The following STPG2 variants were observed in gnomAD, a reference collection of about 807,000 sequenced individuals.
The protein encoded by STPG2 is sperm-tail PG-rich repeat-containing protein 2.
Under a neutral mutation model 54.2 loss-of-function variants are expected in STPG2, and 56 were observed. That is an observed-to-expected ratio of 1.03 (90% CI 0.83 to 1.29). The LOEUF is 1.29. Among genes scored for constraint, STPG2 ranks in the 50% most tolerant of loss-of-function variants. STPG2 has a pLI of 0.00. For missense variants in STPG2, 596 were observed against 544.9 expected (o/e 1.09, Z -0.93); for synonymous variants, 200 against 181.8 (o/e 1.10, Z -0.81).
At chr4:97,818,166 G>A (rs893812223) in intron 9 of STPG2, among the ~76,000 whole-genome samples, 1 of 151,776 alleles carries the variant, frequency 6.6e-6, no homozygotes, top group South Asian at 2.1e-4. Context: ...CACACCACAA[G>A]ATGTTTGAGA....
chr4:97,797,455 T>C (rs1200777904), intron 9 of STPG2, among the ~76,000 whole-genome samples: 2 of 152,228 alleles, frequency 1.3e-5, no homozygotes, highest in Non-Finnish European at 2.9e-5. Flanking sequence ...TCCTGTGGTT[T>C]TTGTCTTTGG....
intron 10 of STPG2, among the ~76,000 whole-genome samples, chr4:97,628,245 G>A (rs1366729912): frequency 6.6e-6 from 1 of 152,106 alleles, no homozygotes; most frequent in Non-Finnish European, 1.5e-5. Flanking sequence ...AGGATTATCA[G>A]TAAGAATCCT....
intron 8 of STPG2, among the ~76,000 whole-genome samples, chr4:97,886,219 C>T (rs1369845271): frequency 6.6e-6 from 1 of 152,032 alleles, no homozygotes; most frequent in Non-Finnish European, 1.5e-5. Context: ...AGTAGAATTA[C>T]TGAACTTTAT....
intron 4 of STPG2, among the ~76,000 whole-genome samples, chr4:97,502,003 T>G (rs181464247): frequency 1.5e-4 from 22 of 151,170 alleles, no homozygotes; most frequent in Non-Finnish European, 2.8e-4. Context: ...GTCAAATAAG[T>G]GACATAAAGA....
At chr4:98,118,254 C>G (rs1428479115) in intron 3 of STPG2, among the ~76,000 whole-genome samples, 2 of 152,046 alleles carry the variant, frequency 1.3e-5, no homozygotes, top group Non-Finnish European at 2.9e-5. Context: ...TTTTAATGCT[C>G]AAGCGGTCAA....
chr4:97,954,933 A>C (rs2149243250), intron 7 of STPG2, among the ~76,000 whole-genome samples: 1 of 152,300 alleles, frequency 6.6e-6, no homozygotes, highest in African/African-American at 2.4e-5. Context: ...GCAGACAAGA[A>C]CTTTTTTAAA....
Position 97,569,245 on chromosome 4 carries a change from G to A in STPG2, c.1321-10128C>T, listed in dbSNP as rs149971754. Among the ~76,000 whole-genome samples, 642 of 152,224 alleles carry A rather than the reference G, an allele frequency of 4.2e-3. 3 individuals are homozygous for A. Among genetic ancestry groups the A allele is most frequent in the South Asian group, 0.021 (100 of 4,822 alleles). On this transcript the variant is annotated intron_variant, in intron 10 of 10. Transcript: ENST00000295268. ...GGTAACTTCTGGACATTGCCAGGGC[G>A]TTTGTAAACTGTCATGGTGCTCCTG...
rs76344720 is a variant in STPG2, at chr4:98,017,051, G to C, written c.613-35733C>G. 3.2e-3 allele frequency among the ~76,000 whole-genome samples: 490 copies of C among 152,308 alleles called. 5 individuals carry two copies. The highest frequency in any genetic ancestry group is 0.011 in the African/African-American group (476 of 41,580). On this transcript the variant is annotated intron_variant, in intron 5 of 10. Coordinates refer to ENST00000295268, the MANE Select transcript of STPG2 (RefSeq NM_174952.3). Reference sequence around the variant, plus strand: ...CAGTGGGCAGGTAGGCCTGTTGCCTGTGTCCACAGGTGCTAGCCTGAAGCC... The same window carrying C: ...CAGTGGGCAGGTAGGCCTGTTGCCTCTGTCCACAGGTGCTAGCCTGAAGCC...
At chr4:97,879,826 G>C (rs1343269438) in intron 8 of STPG2, among the ~76,000 whole-genome samples, 1 of 152,094 alleles carries the variant, frequency 6.6e-6, no homozygotes, top group Non-Finnish European at 1.5e-5. Flanking sequence ...TGAGGAAAAG[G>C]GAACCCCTGT....
In STPG2 at chr4:97,577,300, T is replaced by C. The variant is rs528191104; in HGVS notation, c.1321-18183A>G. 2.8e-4 allele frequency among the ~76,000 whole-genome samples: 42 copies of C among 152,322 alleles called. No homozygotes were observed. The South Asian group carries it at 8.1e-3, about 29-fold the overall frequency. On this transcript the variant is annotated intron_variant, in intron 10 of 10. Transcript: ENST00000295268. ...AAGGACACATGCTCTTTTATGTTCATTGCAATACTATTCACAATAGCAATG... is the reference window on the plus strand; with the variant it reads ...AAGGACACATGCTCTTTTATGTTCACTGCAATACTATTCACAATAGCAATG...
chr4:97,547,432 A>G (rs955431472), intron 4 of STPG2, among the ~76,000 whole-genome samples: 2 of 152,052 alleles, frequency 1.3e-5, no homozygotes, highest in African/African-American at 4.8e-5. Flanking sequence ...GGATGGTCTC[A>G]ATCTCCTGAC....
At chr4:97,958,829 A>T (rs1733782663) in intron 7 of STPG2, among the ~76,000 whole-genome samples, 3 of 152,206 alleles carry the variant, frequency 2.0e-5, no homozygotes, top group Non-Finnish European at 4.4e-5. Flanking sequence ...ACAGAAAGTC[A>T]ACAAAGAAAC....
chr4:97,861,902 T>G (rs1729559290), intron 8 of STPG2, among the ~76,000 whole-genome samples: 1 of 151,980 alleles, frequency 6.6e-6, no homozygotes, highest in South Asian at 2.1e-4. Flanking sequence ...AGGCCTGCCC[T>G]AAAAGAGCTC....
At chr4:98,051,401 T>A (rs1416671150) in intron 5 of STPG2, among the ~76,000 whole-genome samples, 1 of 152,058 alleles carries the variant, frequency 6.6e-6, no homozygotes, top group Non-Finnish European at 1.5e-5. Context: ...CCCACATTCA[T>A]ATGTTGATGG....
At chr4:97,904,352 C>T (rs997567363) in intron 8 of STPG2, among the ~76,000 whole-genome samples, 1 of 152,210 alleles carries the variant, frequency 6.6e-6, no homozygotes, top group Admixed American at 6.5e-5. Flanking sequence ...TGACACCTCA[C>T]ACGGCTGGCC....
At chr4:97,621,866 C>A (rs1281394683) in intron 10 of STPG2, among the ~76,000 whole-genome samples, 2 of 152,124 alleles carry the variant, frequency 1.3e-5, no homozygotes, top group Non-Finnish European at 2.9e-5. Flanking sequence ...AACATACATG[C>A]AAAAACCTTC....
At chr4:97,636,892 C>T (rs1204461163) in intron 10 of STPG2, among the ~76,000 whole-genome samples, 2 of 151,700 alleles carry the variant, frequency 1.3e-5, no homozygotes, top group South Asian at 2.1e-4. Flanking sequence ...GATGGATTCA[C>T]AGCCGAATTC....
At chr4:97,566,876 C>T (rs530768994) in intron 10 of STPG2, among the ~76,000 whole-genome samples, 2 of 102,998 alleles carry the variant, frequency 1.9e-5, no homozygotes, top group East Asian at 3.1e-4. Context: ...ACTCTGGGGA[C>T]TGTTGTGGGG....
intron 5 of STPG2, among the ~76,000 whole-genome samples, chr4:98,079,006 ATAC>A (rs1266876876): frequency 2.0e-5 from 3 of 152,168 alleles, no homozygotes; most frequent in East Asian, 1.9e-4. Flanking sequence ...GCCTTTCAAT[ATAC>A]TACTAAATTC....
Sources: allele counts gnomAD v4.1 joint callset (sites outside exome capture counted in the v4.1 genomes callset), GRCh38; gene constraint gnomAD v4.1.1; transcripts MANE v1.5; gene names NCBI Gene and HGNC (gene_info 2026-07-23, HGNC 2026-07-21).